Variants in PCDH11X observed in about 807,000 individuals in gnomAD.
The protein encoded by PCDH11X is protocadherin-11 X-linked.
In PCDH11X, 18 loss-of-function variants were observed where a neutral mutation model predicts 53.3. That is an observed-to-expected ratio of 0.34 (90% CI 0.23 to 0.50). The LOEUF (loss-of-function observed/expected upper bound fraction) is 0.50. Ranked by LOEUF, PCDH11X falls within the 20% of genes least tolerant of loss-of-function variation. The pLI is 0.98. For synonymous variants in PCDH11X, 279 were observed against 393.3 expected, an observed-to-expected ratio of 0.71 and a Z score of 3.44; for missense variants, 570 against 1,032.4, an observed-to-expected ratio of 0.55 and a Z score of 6.14.
chrX:92,531,742 G>T (rs1018113372), intron 10 of PCDH11X, among the ~76,000 whole-genome samples: 3 of 109,444 alleles, frequency 2.7e-5, no homozygotes, highest in African/African-American at 6.6e-5. Context: ...GCCTTATATT[G>T]TCACAGAAAT....
intron 10 of PCDH11X, among the ~76,000 whole-genome samples, chrX:92,611,354 G>A (rs1479725054): frequency 1.0e-5 from 1 of 100,123 alleles, no homozygotes; most frequent in African/African-American, 3.7e-5. Flanking sequence ...TTTTTTTTTT[G>A]GCTATTGCAA....
At chrX:91,833,585 A>G (rs192625640) in intron 4 of PCDH11X, among the ~76,000 whole-genome samples, 2 of 111,614 alleles carry the variant, frequency 1.8e-5, no homozygotes, top group Admixed American at 9.6e-5. Flanking sequence ...TTAACATAGG[A>G]AAGTCATTGA....
chrX:92,100,248 G>A (rs1361686583), intron 6 of PCDH11X, among the ~76,000 whole-genome samples: 4 of 111,161 alleles, frequency 3.6e-5, no homozygotes, highest in African/African-American at 6.5e-5. Context: ...TTTCATGCGC[G>A]TCCCTGTGAA....
intron 8 of PCDH11X, among the ~76,000 whole-genome samples, chrX:92,381,478 C>T (rs1049764580): frequency 8.9e-6 from 1 of 111,854 alleles, no homozygotes; most frequent in African/African-American, 3.2e-5. Flanking sequence ...GTGCATTCTC[C>T]AATTTTATTA....
At chrX:92,238,590 A>G (rs2067210843) in intron 7 of PCDH11X, among the ~76,000 whole-genome samples, 1 of 111,289 alleles carries the variant, frequency 9.0e-6, no homozygotes, top group Non-Finnish European at 1.9e-5. Context: ...GACTCTTGTA[A>G]ATTCTCATAA....
rs1218391809 is a variant in PCDH11X, at chrX:92,338,038, G to T, written c.3145-49697G>T. 2.7e-5 allele frequency among the ~76,000 whole-genome samples: 3 copies of T among 110,887 alleles called. No individual in the cohort carries two copies. The East Asian group carries it at 8.6e-4, about 32-fold the overall frequency. ...AGAAGGGTAGTGAGAGGGTTGGGGG[G>T]GTGTGGGTGTTGGGGATGGTTAATG... On this transcript the variant is annotated intron_variant, in intron 8 of 10. Transcript: ENST00000682573.
intron 8 of PCDH11X, among the ~76,000 whole-genome samples, chrX:92,307,207 T>C (rs2068850726): frequency 2.7e-5 from 3 of 109,615 alleles, no homozygotes; most frequent in Middle Eastern, 9.4e-3. Context: ...TGATGAAAAG[T>C]TCTCAACAAA....
chrX:91,800,930 G>A (rs2147539253), intron 1 of PCDH11X, among the ~76,000 whole-genome samples: 1 of 108,030 alleles, frequency 9.3e-6, no homozygotes, highest in East Asian at 2.9e-4. Context: ...TGTAATCCCA[G>A]TATTTTGGGA....
intron 6 of PCDH11X, among the ~76,000 whole-genome samples, chrX:92,105,307 G>A (rs1012617640): frequency 9.0e-6 from 1 of 111,276 alleles, no homozygotes; most frequent in Non-Finnish European, 1.9e-5. Context: ...TTTGAAATTG[G>A]TGAGATGTTT....
At chrX:92,499,542 G>A (rs112515934) in intron 10 of PCDH11X, among the ~76,000 whole-genome samples, 777 of 76,550 alleles carry the variant, frequency 0.01, 7 homozygotes, top group Middle Eastern at 0.048. Context: ...GCTCATGCCT[G>A]TAATCTTAGC....
At chrX:92,443,068 C>T (rs2072549853) in intron 9 of PCDH11X, among the ~76,000 whole-genome samples, 2 of 105,297 alleles carry the variant, frequency 1.9e-5, no homozygotes, top group Admixed American at 2.1e-4. Context: ...CATAGCCTCA[C>T]CAGCATCTGT....
chrX:92,299,126 G>A (rs769689400), intron 8 of PCDH11X, among the ~76,000 whole-genome samples: 7 of 110,599 alleles, frequency 6.3e-5, no homozygotes, highest in South Asian at 7.8e-4. Context: ...GGAGGCCTGC[G>A]GAGTTTCTCC....
At chrX:92,147,839 C>CTTTCTTTCTTTCTTTCT (rs2065305872) in intron 6 of PCDH11X, among the ~76,000 whole-genome samples, 6 of 96,130 alleles carry the variant, frequency 6.2e-5, no homozygotes, top group Non-Finnish European at 1.2e-4. Flanking sequence ...TTCTTTCTTT[C>CTTTCTTTCTTTCTTTCT]TTTCTTTCTT....
chrX:92,264,554 AAGAG>A (rs2067784895), intron 8 of PCDH11X, among the ~76,000 whole-genome samples: 1 of 111,582 alleles, frequency 9.0e-6, no homozygotes, highest in African/African-American at 3.3e-5. Flanking sequence ...GAGAGAATGA[AAGAG>A]AGAGAAGATC....
intron 10 of PCDH11X, among the ~76,000 whole-genome samples, chrX:92,491,761 C>T (rs2073772071): frequency 9.0e-6 from 1 of 111,310 alleles, no homozygotes; most frequent in African/African-American, 3.3e-5. Context: ...CTGATAACCA[C>T]TGTTCTACTG....
chrX:91,894,454 G>GTTTTA (rs1382008059), intron 6 of PCDH11X, among the ~76,000 whole-genome samples: 2 of 111,610 alleles, frequency 1.8e-5, no homozygotes, highest in Non-Finnish European at 3.8e-5. Context: ...TTTTATGTTT[G>GTTTTA]TGTGGTGTTT....
At chrX:92,142,330 AT>A (rs1484834898) in intron 6 of PCDH11X, among the ~76,000 whole-genome samples, 2 of 106,432 alleles carry the variant, frequency 1.9e-5, no homozygotes, top group African/African-American at 6.8e-5. Flanking sequence ...CTAATTTTGT[AT>A]TTTTAGTAGA....
At chrX:92,524,834 G>A (rs1603356424) in intron 10 of PCDH11X, among the ~76,000 whole-genome samples, 1 of 111,290 alleles carries the variant, frequency 9.0e-6, no homozygotes, top group African/African-American at 3.3e-5. Context: ...TATGTGTATA[G>A]TAATACCTAA....
chrX:92,276,353 G>T (rs150210278), intron 8 of PCDH11X, among the ~76,000 whole-genome samples: 2,786 of 108,352 alleles, frequency 0.026, 27 homozygotes, highest in Non-Finnish European at 0.04. Flanking sequence ...CCAAGAAGGA[G>T]TCAGTCAGAG....
Sources: allele counts gnomAD v4.1 joint callset (sites outside exome capture counted in the v4.1 genomes callset), GRCh38; gene constraint gnomAD v4.1.1; transcripts MANE v1.5; gene names NCBI Gene and HGNC (gene_info 2026-07-23, HGNC 2026-07-21).